TMEM132D: variants seen among roughly 807,000 people sequenced by gnomAD.
The protein encoded by TMEM132D is transmembrane protein 132D.
TMEM132D carries 21 observed loss-of-function variants against 62.3 expected under a neutral mutation model. The observed-to-expected ratio is 0.34, with a 90% CI of 0.24 to 0.49. The LOEUF is 0.49. TMEM132D is among the 20% of genes least tolerant of loss of function. The pLI is 0.99. For missense variants in TMEM132D, 1,346 were observed against 1,402.8 expected (o/e 0.96, Z 0.65); for synonymous variants, 621 against 575.6 (o/e 1.08, Z -1.13).
intron 5 of TMEM132D, among the ~76,000 whole-genome samples, chr12:129,133,749 A>T (rs1485162829): frequency 6.6e-6 from 1 of 152,352 alleles, no homozygotes; most frequent in Non-Finnish European, 1.5e-5. Flanking sequence ...CTGCATAGGC[A>T]CTTGGCTCAG....
intron 3 of TMEM132D, among the ~76,000 whole-genome samples, chr12:129,463,522 A>T (rs375472850): frequency 1.1e-4 from 17 of 151,372 alleles, no homozygotes; most frequent in African/African-American, 4.1e-4. Flanking sequence ...TGTGCACAAC[A>T]TGCAGGTTTG....
In TMEM132D at chr12:129,074,411, C is replaced by T. The variant is rs2135602963; in HGVS notation, c.2764G>A (p.Ala922Thr). The T allele has an allele frequency of 6.2e-7, 1 of 1,614,098 alleles. No homozygotes were observed. The highest frequency in any genetic ancestry group is 8.5e-7 in the Non-Finnish European group (1 of 1,180,028). The change falls in exon 9 of 9, where the codon GCT becomes ACT. Residue 922 changes from alanine to threonine, a missense_variant. By Grantham distance (58) the Ala-to-Thr change is moderately conservative. Transcript: ENST00000422113. The stretch of plus-strand genomic sequence containing the variant: ...GCCAAACAGAAGACTCCCAACAAAG[C>T]ATACATCCCAATTTCTAAGTCGCTC... ...GLSDLEIGMYALLGVFCLAIL... is the reference protein window; with the variant it reads ...GLSDLEIGMYTLLGVFCLAIL...
intron 4 of TMEM132D, among the ~76,000 whole-genome samples, chr12:129,297,020 T>C (rs1020941377): frequency 4.6e-5 from 7 of 152,232 alleles, no homozygotes; most frequent in African/African-American, 1.7e-4. Flanking sequence ...CTAATTCCTC[T>C]CTGCCTCTGG....
At chr12:129,125,868 A>G in intron 5 of TMEM132D, among the ~76,000 whole-genome samples, 1 of 152,190 alleles carries the variant, frequency 6.6e-6, no homozygotes, top group South Asian at 2.1e-4. Context: ...CACAGAGCAT[A>G]CATTGAAGAG....
chr12:129,508,070 G>A (rs538654744), intron 3 of TMEM132D, among the ~76,000 whole-genome samples: 20 of 152,172 alleles, frequency 1.3e-4, no homozygotes, highest in African/African-American at 4.8e-4. Flanking sequence ...AGGAAGATGG[G>A]AACAGCAATG....
intron 5 of TMEM132D, among the ~76,000 whole-genome samples, chr12:129,138,051 G>T (rs113504624): frequency 1.3e-5 from 2 of 152,088 alleles, no homozygotes; most frequent in African/African-American, 4.8e-5. Context: ...AGTTTAATTT[G>T]GGGATCACAA....
At chr12:129,777,569 C>A (rs1445720544) in intron 1 of TMEM132D, among the ~76,000 whole-genome samples, 2 of 152,164 alleles carry the variant, frequency 1.3e-5, no homozygotes, top group Non-Finnish European at 2.9e-5. Context: ...ATAACAGACA[C>A]ATACAAGAAG....
chr12:129,124,888 C>A (rs2135657940), intron 5 of TMEM132D, among the ~76,000 whole-genome samples: 1 of 152,290 alleles, frequency 6.6e-6, no homozygotes, highest in African/African-American at 2.4e-5. Flanking sequence ...TCCCTCTGAG[C>A]CAACAAACTC....
At chr12:129,686,309 A>G (rs1230180728) in intron 2 of TMEM132D, among the ~76,000 whole-genome samples, 1 of 152,086 alleles carries the variant, frequency 6.6e-6, no homozygotes, top group Non-Finnish European at 1.5e-5. Context: ...GGCAGTGGTT[A>G]CCCCCATGCC....
intron 1 of TMEM132D, among the ~76,000 whole-genome samples, chr12:129,882,376 T>C (rs1874624037): frequency 6.6e-6 from 1 of 152,072 alleles, no homozygotes; most frequent in South Asian, 2.1e-4. Flanking sequence ...AACAAAATAT[T>C]AGCAAATCAA....
At chr12:129,329,122 A>G (rs938047893) in intron 4 of TMEM132D, among the ~76,000 whole-genome samples, 8 of 151,918 alleles carry the variant, frequency 5.3e-5, no homozygotes, top group Admixed American at 6.6e-5. Context: ...GGTCTCTAGA[A>G]CCCAGCTCCT....
chr12:129,196,187 C>A (rs1330704660), intron 5 of TMEM132D, among the ~76,000 whole-genome samples: 1 of 151,992 alleles, frequency 6.6e-6, no homozygotes, highest in Non-Finnish European at 1.5e-5. Context: ...TTGTAAATAT[C>A]AGAGCGAGGA....
intron 1 of TMEM132D, among the ~76,000 whole-genome samples, chr12:129,731,667 AT>A (rs34137135): frequency 1.3e-4 from 19 of 148,914 alleles, no homozygotes; most frequent in Admixed American, 2.0e-4. Context: ...GCCACTGGAA[AT>A]TTTTTTTTTT....
intron 1 of TMEM132D, among the ~76,000 whole-genome samples, chr12:129,828,017 A>T (rs1404826275): frequency 1.3e-4 from 20 of 152,232 alleles, no homozygotes. Context: ...CAGACTCTGT[A>T]AATGAAAGCT....
chr12:129,325,457 C>G (rs1449440246), intron 4 of TMEM132D, among the ~76,000 whole-genome samples: 1 of 152,152 alleles, frequency 6.6e-6, no homozygotes, highest in African/African-American at 2.4e-5. Context: ...ATAAGCCTGG[C>G]AAAGCTGGAT....
intron 5 of TMEM132D, among the ~76,000 whole-genome samples, chr12:129,175,028 T>G (rs954865395): frequency 1.3e-5 from 2 of 152,228 alleles, no homozygotes; most frequent in African/African-American, 4.8e-5. Flanking sequence ...GTAGGTTGCC[T>G]GTTCACTCTT....
At chr12:129,469,143 A>C (rs537583205) in intron 3 of TMEM132D, among the ~76,000 whole-genome samples, 1 of 152,342 alleles carries the variant, frequency 6.6e-6, no homozygotes, top group Non-Finnish European at 1.5e-5. Context: ...TGTTTGCCTC[A>C]AAAGTCTCTA....
intron 2 of TMEM132D, among the ~76,000 whole-genome samples, chr12:129,639,055 T>C (rs961797382): frequency 4.6e-5 from 7 of 152,148 alleles, no homozygotes; most frequent in African/African-American, 1.7e-4. Context: ...TGGCAGTTTC[T>C]AATTCTTTGA....
At chr12:129,493,105 C>T (rs1036635543) in intron 3 of TMEM132D, among the ~76,000 whole-genome samples, 1 of 152,180 alleles carries the variant, frequency 6.6e-6, no homozygotes, top group South Asian at 2.1e-4. Context: ...ATGTGCCTGT[C>T]GTTTCCAGGT....
Sources: gnomAD v4.1 joint callset for allele counts (sites outside exome capture counted in the v4.1 genomes callset) on GRCh38, gnomAD v4.1.1 for gene constraint, MANE v1.5 for transcripts, NCBI Gene and HGNC (gene_info 2026-07-23, HGNC 2026-07-21) for gene names.